The following PAPLN variants were observed in gnomAD, a reference collection of about 807,000 sequenced individuals.
PAPLN encodes papilin, proteoglycan like sulfated glycoprotein, also known as papilin.
Under a neutral mutation model 159.0 loss-of-function variants are expected in PAPLN, and 146 were observed. The observed-to-expected ratio is 0.92, with a 90% CI of 0.80 to 1.05. The LOEUF (loss-of-function observed/expected upper bound fraction) is 1.05, where lower values mean the gene tolerates loss of function less well. PAPLN is among the 50% of genes least tolerant of loss of function. The probability of loss-of-function intolerance (pLI) is 0.00; values close to 1 mark genes in which losing one functional copy is unlikely to be tolerated. For synonymous variants in PAPLN, 734 were observed against 702.9 expected, an observed-to-expected ratio of 1.04 and a Z score of -0.70; for missense variants, 1,720 against 1,743.9, an observed-to-expected ratio of 0.99 and a Z score of 0.24.
chr14:73,251,825 CT>C lies in PAPLN; in HGVS notation c.833del (p.Leu278ArgfsTer194), dbSNP rs1245972719. ...LHARGPTSEP[L>X]VIELISQEPN... ...TGCCCGGGGCCCCACCTCGGAGCCCCTGGTCATCGAGGTAAATGGGGGTGTG... is the reference window on the plus strand; with the variant it reads ...TGCCCGGGGCCCCACCTCGGAGCCCCGGTCATCGAGGTAAATGGGGGTGTG... On this transcript the variant is annotated frameshift_variant, in exon 9 of 27. Coordinates refer to ENST00000644200, the MANE Select transcript of PAPLN (RefSeq NM_001365906.3). LOFTEE classifies it high-confidence loss of function. 2 of 1,595,328 alleles carry C rather than the reference CT, an allele frequency of 1.3e-6. No homozygotes were observed. Among genetic ancestry groups the C allele is most frequent in the East Asian group, 2.2e-5 (1 of 44,758 alleles).
intron 11 of PAPLN, chr14:73,253,027 G>A (rs1225602652): frequency 9.2e-7 from 1 of 1,091,016 alleles, no homozygotes; most frequent in Non-Finnish European, 1.3e-6. Flanking sequence ...GTGGCAGGAG[G>A]GTTGGAGAAG....
Position 73,265,273 on chromosome 14 carries a change from A to AAG in PAPLN, c.3126-97_3126-96insAG. On this transcript the variant is annotated intron_variant, in intron 22 of 26. Transcript: ENST00000644200. This position sits in a 1 kb window ranked among gnomAD's most constrained non-coding sequence, Gnocchi z 4.1. ...TTTAGGAAGCTGAATCTGGCTGGAGAGGGAGAAGGGGCCACCAGGCTTGTG... is the reference window on the plus strand; with the variant it reads ...TTTAGGAAGCTGAATCTGGCTGGAGAAGGGGAGAAGGGGCCACCAGGCTTGTG... The AAG allele has an allele frequency of 1.3e-6, 2 of 1,509,328 alleles. No individual in the cohort carries two copies. The highest frequency in any genetic ancestry group is 1.8e-6 in the Non-Finnish European group (2 of 1,131,684). The allele number at this position is 1,509,328 out of a possible 1,614,324, so 93.5% of individuals were successfully genotyped here. A position where few individuals can be genotyped will look rare whatever the true frequency, so the allele number is the denominator to read the frequency against.
Position 73,254,640 on chromosome 14 carries a change from A to G in PAPLN, c.1430A>G (p.His477Arg), listed in dbSNP as rs772923397. The G allele has an allele frequency of 1.2e-6, 2 of 1,613,908 alleles. No individual in the cohort carries two copies. The highest frequency in any genetic ancestry group is 2.7e-5 in the African/African-American group (2 of 74,890). Residue 477 changes from histidine (H) to arginine (R), a missense_variant, in exon 13 of 27, where the codon CAT becomes CGT. By Grantham distance (29) the His-to-Arg change is conservative. Coordinates refer to ENST00000644200, the MANE Select transcript of PAPLN (RefSeq NM_001365906.3). Reference sequence around the variant, plus strand: ...CCACCTCTGACTGAGCCCTGTGTGCATGAGGACTGCCCCCTCCTCAGTGAC... The same window carrying G: ...CCACCTCTGACTGAGCCCTGTGTGCGTGAGGACTGCCCCCTCCTCAGTGAC... ...DRPPLTEPCV[H>R]EDCPLLSDQA... is the part of the protein sequence containing the mutation.
chr14:73,255,063 C>A, intron 14 of PAPLN, 45 bp downstream of exon 14: 1 of 1,578,156 alleles, frequency 6.3e-7, no homozygotes, highest in Non-Finnish European at 8.6e-7. Context: ...TGACCTCTCT[C>A]CCACTCGCTA....
intron 7 of PAPLN, 58 bp from the exon 8 acceptor site, chr14:73,251,428 G>C (rs780958152): frequency 1.0e-4 from 152 of 1,526,658 alleles, no homozygotes; most frequent in Non-Finnish European, 1.3e-4. Flanking sequence ...AGTCCTGTTT[G>C]AGTGGTGCCG....
intron 5 of PAPLN, 135 bp from the exon 6 acceptor site, chr14:73,249,849 C>A: frequency 2.1e-6 from 2 of 953,844 alleles, no homozygotes; most frequent in Non-Finnish European, 1.4e-6. Flanking sequence ...GGGGATGGGG[C>A]GGGGATCTGT....
Position 73,261,174 on chromosome 14 carries a change from C to T in PAPLN, c.2125C>T (p.Pro709Ser), listed in dbSNP as rs143353069. ...VASTVHNTHQPQAQQNEPSEC... is the reference protein window; with the variant it reads ...VASTVHNTHQSQAQQNEPSEC... ...TCCCCAGGTCCACAACACCCACCAG[C>T]CCCAGGCCCAGCAGAATGAGCCCAG... The change falls in exon 18 of 27, where the codon CCC becomes TCC. Residue 709 changes from proline to serine, a missense_variant. Pro to Ser is a moderately conservative substitution (Grantham distance 74, BLOSUM62 -1). Transcript: ENST00000644200. 5.6e-6 allele frequency: 9 copies of T among 1,614,172 alleles called. No homozygotes were observed. The highest frequency in any genetic ancestry group is 3.3e-5 in the Admixed American group (2 of 60,032).
In PAPLN at chr14:73,249,995, T is replaced by C. The variant is rs757697161; in HGVS notation, c.346T>C (p.Cys116Arg). Reference sequence around the variant, plus strand: ...CCTGCCCACCCCAGCCCCAAACAAGTGTGAACTGAACTGCATTCCCAAGGG... The same window carrying C: ...CCTGCCCACCCCAGCCCCAAACAAGCGTGAACTGAACTGCATTCCCAAGGG... ...WLPYYSAPNKCELNCIPKGEN... is the reference protein window; with the variant it reads ...WLPYYSAPNKRELNCIPKGEN... Residue 116 changes from cysteine (C) to arginine (R), a missense_variant, in exon 6 of 27, where the codon TGT becomes CGT. Physicochemically the swap from Cys to Arg is radical, Grantham distance 180. Transcript: ENST00000644200. The C allele has an allele frequency of 2.5e-6, 4 of 1,608,774 alleles. No individual in the cohort carries two copies. The highest frequency in any genetic ancestry group is 3.4e-6 in the Non-Finnish European group (4 of 1,177,616).
At chr14:73,267,520 G>A (rs1206509599) in intron 25 of PAPLN, among the ~76,000 whole-genome samples, 2 of 152,232 alleles carry the variant, frequency 1.3e-5, no homozygotes, top group Non-Finnish European at 2.9e-5. Flanking sequence ...GCCAGGAAAT[G>A]ACTTTGGCTG....
At position 73,251,723 on chromosome 14, in the gene PAPLN, C is replaced by G. The variant is rs763873503; in HGVS notation, c.730C>G (p.Arg244Gly). 1.2e-6 allele frequency: 2 copies of G among 1,613,232 alleles called. No individual in the cohort carries two copies. The highest frequency in any genetic ancestry group is 1.7e-6 in the Non-Finnish European group (2 of 1,179,970). ...TGGGCACTGGACCATCGAGGCGGCCCGGGCCCTGCCAGCAGCCAGCACCAT... is the reference window on the plus strand; with the variant it reads ...TGGGCACTGGACCATCGAGGCGGCCGGGGCCCTGCCAGCAGCCAGCACCAT... The part of the protein sequence containing the change: ...LNGHWTIEAA[R>G]ALPAASTILH... The change falls in exon 9 of 27, where the codon CGG (arginine) becomes GGG (glycine). Residue 244 changes from arginine to glycine, a missense_variant. Physicochemically the swap from Arg to Gly is moderately radical, Grantham distance 125. Coordinates refer to ENST00000644200, the MANE Select transcript of PAPLN (RefSeq NM_001365906.3).
chr14:73,248,802 ACAGAGTGAGATCTTGTCTC>A (rs1257558563), intron 5 of PAPLN, among the ~76,000 whole-genome samples: 6 of 152,048 alleles, frequency 3.9e-5, no homozygotes, highest in Non-Finnish European at 8.8e-5. Flanking sequence ...AGCCCGGACG[ACAGAGTGAGATCTTGTCTC>A]CAAAAGAAGA....
intron 5 of PAPLN, among the ~76,000 whole-genome samples, chr14:73,247,348 TTCC>T (rs1884518194): frequency 6.6e-6 from 1 of 152,214 alleles, no homozygotes; most frequent in African/African-American, 2.4e-5. Flanking sequence ...AATCAGAAGA[TTCC>T]TCAAGACAAG....
chr14:73,269,401 C>T (rs1887504390), intron 26 of PAPLN, among the ~76,000 whole-genome samples: 1 of 151,950 alleles, frequency 6.6e-6, no homozygotes, highest in Admixed American at 6.6e-5. Flanking sequence ...CTAGCTACTA[C>T]TCTATCATAC....
intron 7 of PAPLN, 124 bp downstream of exon 7, chr14:73,251,154 C>T (rs1340579446): frequency 4.8e-6 from 7 of 1,452,432 alleles, no homozygotes; most frequent in South Asian, 1.4e-5. Context: ...AGGCTCTGAT[C>T]ATATCAGGTC....
chr14:73,252,424 G>A (rs920700947), intron 10 of PAPLN, among the ~76,000 whole-genome samples: 2 of 152,178 alleles, frequency 1.3e-5, no homozygotes, highest in African/African-American at 4.8e-5. Flanking sequence ...CTGGGCCTGG[G>A]GTCAGTGATC....
intron 17 of PAPLN, 127 bp downstream of exon 17, chr14:73,260,956 G>A: frequency 7.0e-7 from 1 of 1,422,138 alleles, no homozygotes; most frequent in Non-Finnish European, 9.3e-7. Flanking sequence ...TGCTGGCCTG[G>A]GTCATCCTCT....
Position 73,245,375 on chromosome 14 carries a change from T to A in PAPLN, c.171-261T>A, listed in dbSNP as rs1400209625. 1 of 511,394 alleles carries A rather than the reference T, an allele frequency of 2.0e-6. No homozygotes were observed. Among genetic ancestry groups the A allele is most frequent in the East Asian group, 3.4e-5 (1 of 29,842 alleles). The allele number at this position is 511,394 out of a possible 1,614,324, so 31.7% of individuals were successfully genotyped here. A position where few individuals can be genotyped will look rare whatever the true frequency, so the allele number is the denominator to read the frequency against. Reference sequence around the variant, plus strand: ...ATGCACCTCGGGTCTTCTCTGGGAATCTGCCTAAGATGCAGTGGAGTGGTC... The same window carrying A: ...ATGCACCTCGGGTCTTCTCTGGGAAACTGCCTAAGATGCAGTGGAGTGGTC... On this transcript the variant is annotated intron_variant, in intron 3 of 26. Transcript: ENST00000644200. The surrounding 1 kb of genome is among the most constrained non-coding windows in gnomAD (Gnocchi z 4.2).
At chr14:73,264,431 G>C in intron 21 of PAPLN, 96 bp downstream of exon 21, 1 of 1,538,210 alleles carries the variant, frequency 6.5e-7, no homozygotes, top group Admixed American at 2.0e-5. Flanking sequence ...CACGCTAGAG[G>C]GGCCCAGGGT....
chr14:73,238,339 T>C (rs1404931040), intron 1 of PAPLN, among the ~76,000 whole-genome samples: 2 of 152,174 alleles, frequency 1.3e-5, no homozygotes, highest in African/African-American at 2.4e-5. Flanking sequence ...GTCCCTGCCC[T>C]CGGGCGGCAG....
Sources: gnomAD v4.1 joint callset for allele counts (sites outside exome capture counted in the v4.1 genomes callset) on GRCh38, gnomAD v4.1.1 for gene constraint, Gnocchi (gnomAD v3.1) non-coding constraint, MANE v1.5 for transcripts, NCBI Gene and HGNC (gene_info 2026-07-23, HGNC 2026-07-21) for gene names.